ERG: variants seen among roughly 807,000 people sequenced by gnomAD.
The protein encoded by ERG is transcriptional regulator ERG.
In ERG, 9 loss-of-function variants were observed where a neutral mutation model predicts 55.3. The ratio of observed to expected loss-of-function variants is 0.16; its 90% CI spans 0.10 to 0.28. The LOEUF is 0.28. Ranked by LOEUF, ERG falls within the 10% of genes least tolerant of loss-of-function variation. The pLI, the probability that ERG is intolerant of heterozygous loss-of-function variation, is 1.00. For missense variants in ERG, 434 were observed against 631.6 expected (o/e 0.69, Z 3.35); for synonymous variants, 223 against 237.3 (o/e 0.94, Z 0.55).
chr21:38,660,325 C>A (rs1335444373), intron 1 of ERG, among the ~76,000 whole-genome samples: 1 of 152,232 alleles, frequency 6.6e-6, no homozygotes, highest in African/African-American at 2.4e-5. Flanking sequence ...CCATCCGCAC[C>A]CGACTGCACG....
chr21:38,443,688 C>T (rs1011675217), intron 2 of ERG, among the ~76,000 whole-genome samples: 7 of 151,886 alleles, frequency 4.6e-5, no homozygotes, highest in Non-Finnish European at 7.4e-5. Context: ...CATTAATTTC[C>T]CACAACTTTG....
chr21:38,494,734 A>G (rs1262736066), intron 1 of ERG, among the ~76,000 whole-genome samples: 1 of 152,240 alleles, frequency 6.6e-6, no homozygotes, highest in Non-Finnish European at 1.5e-5. Context: ...ACTGTATTTC[A>G]TGGGGGAAGA....
At chr21:38,575,722 T>C (rs1265442104) in exon 2 of ERG, 5 of 1,613,842 alleles carry the variant, frequency 3.1e-6, no homozygotes, top group East Asian at 4.5e-5. Flanking sequence ...AGCCAGCCCA[T>C]CTACCAGCTG....
chr21:38,608,128 T>A (rs2060206676), intron 1 of ERG, among the ~76,000 whole-genome samples: 1 of 152,224 alleles, frequency 6.6e-6, no homozygotes, highest in South Asian at 2.1e-4. Context: ...TTAATCTCAC[T>A]TGTCAAAACA....
chr21:38,605,844 T>C (rs914280316), intron 1 of ERG, among the ~76,000 whole-genome samples: 8 of 152,048 alleles, frequency 5.3e-5, no homozygotes, highest in South Asian at 2.1e-4. Context: ...AGATAGATGA[T>C]AGAAAGATAG....
intron 2 of ERG, among the ~76,000 whole-genome samples, chr21:38,571,519 TAAATAA>T (rs929063400): frequency 6.6e-6 from 1 of 150,884 alleles, no homozygotes; most frequent in Admixed American, 6.6e-5. Flanking sequence ...TTAAAAAAAA[TAAATAA>T]AAATAAATAA....
At chr21:38,390,382 G>A (rs891053384) in intron 9 of ERG, among the ~76,000 whole-genome samples, 1 of 152,170 alleles carries the variant, frequency 6.6e-6, no homozygotes, top group Non-Finnish European at 1.5e-5. Context: ...GTTGAATTGT[G>A]TTCCCTCAAT....
rs182295556 is a variant in ERG at position 38,570,920 on chromosome 21, A to G, written c.-41+4742T>C. On this transcript the variant is annotated intron_variant, in intron 2 of 8. Transcript: ENST00000398897. Reference sequence around the variant, plus strand: ...ATTATTCTATATGATTAGCTGGTGAACAACAAAGGCAATTAGTTAGTCCTC... The same window carrying G: ...ATTATTCTATATGATTAGCTGGTGAGCAACAAAGGCAATTAGTTAGTCCTC... Among the ~76,000 whole-genome samples, 164 of 152,356 alleles carry G rather than the reference A, an allele frequency of 1.1e-3. 1 individual carries two copies. Among genetic ancestry groups the G allele is most frequent in the African/African-American group, 3.8e-3 (158 of 41,588 alleles).
chr21:38,482,272 T>A (rs1273036852), intron 1 of ERG, among the ~76,000 whole-genome samples: 1 of 152,190 alleles, frequency 6.6e-6, no homozygotes, highest in Non-Finnish European at 1.5e-5. Flanking sequence ...AGGTGCCCAA[T>A]ATCACTAATC....
At chr21:38,424,969 C>T (rs765874066) in intron 2 of ERG, among the ~76,000 whole-genome samples, 19 of 152,144 alleles carry the variant, frequency 1.2e-4, no homozygotes, top group Non-Finnish European at 2.6e-4. Flanking sequence ...CAGTCACTGT[C>T]ATTTGGATAA....
At chr21:38,403,816 A>G (rs1988631802) in intron 3 of ERG, 107 bp from the exon 4 acceptor site, 1 of 1,073,230 alleles carries the variant, frequency 9.3e-7, no homozygotes, top group Non-Finnish European at 1.4e-6. Context: ...TTCCACAAGC[A>G]CAGCCTCCAG....
chr21:38,461,271 G>A lies in ERG; in HGVS notation c.19-15650C>T, dbSNP rs371993279. The stretch of plus-strand genomic sequence containing the variant: ...TCTCTTCATATCATCCTCCCTCTAT[G>A]CATGCCTGTTTCTGAGTCCAAATTA... On this transcript the variant is annotated intron_variant, in intron 1 of 9. Coordinates refer to ENST00000288319, the MANE Select transcript of ERG (RefSeq NM_182918.4). Among the ~76,000 whole-genome samples the A allele has an allele frequency of 2.1e-4, 32 of 152,210 alleles. 1 individual carries two copies. In the South Asian group the frequency reaches 6.6e-3, roughly 32 times the overall value.
rs143419168 is a variant in ERG at position 38,429,164 on chromosome 21, G to A, written c.237-5603C>T. On this transcript the variant is annotated intron_variant, in intron 2 of 9. Coordinates refer to ENST00000288319, the MANE Select transcript of ERG (RefSeq NM_182918.4). Reference sequence around the variant, plus strand: ...TGGTTTTCCATTCCTGAGTTACTTCGGTTAGAATAATGGTCTCCAACTCCA... The same window carrying A: ...TGGTTTTCCATTCCTGAGTTACTTCAGTTAGAATAATGGTCTCCAACTCCA... Among the ~76,000 whole-genome samples, 539 of 152,014 alleles carry A rather than the reference G, an allele frequency of 3.5e-3. 4 individuals carry two copies. The highest frequency in any genetic ancestry group is 0.013 in the African/African-American group (523 of 41,454).
intron 1 of ERG, among the ~76,000 whole-genome samples, chr21:38,490,206 T>C (rs2059323586): frequency 6.6e-6 from 1 of 151,960 alleles, no homozygotes; most frequent in Non-Finnish European, 1.5e-5. Flanking sequence ...ATGGACAAAT[T>C]GGCTAATTGA....
intron 1 of ERG, among the ~76,000 whole-genome samples, chr21:38,645,268 T>A (rs955447054): frequency 1.3e-5 from 2 of 152,222 alleles, no homozygotes; most frequent in African/African-American, 4.8e-5. Context: ...CAAAGGGAAT[T>A]ACCCAGAAAA....
upstream of ERG, among the ~76,000 whole-genome samples, chr21:38,503,410 AG>A (rs1304999538): frequency 2.6e-5 from 4 of 151,996 alleles, no homozygotes; most frequent in Non-Finnish European, 4.4e-5. Context: ...GAAACGCTCA[AG>A]AGTTTCGTGG....
chr21:38,633,588 T>C (rs183755168), intron 1 of ERG, among the ~76,000 whole-genome samples: 1 of 152,346 alleles, frequency 6.6e-6, no homozygotes, highest in Non-Finnish European at 1.5e-5. Context: ...TTTGGTTGGG[T>C]GCCTTTTTAT....
At chr21:38,497,309 T>G (rs2059387686) in intron 1 of ERG, among the ~76,000 whole-genome samples, 1 of 152,190 alleles carries the variant, frequency 6.6e-6, no homozygotes, top group Admixed American at 6.5e-5. Context: ...CTTATGCACT[T>G]TCCAACAAAC....
chr21:38,629,115 G>A (rs2060342212), intron 1 of ERG, among the ~76,000 whole-genome samples: 1 of 152,218 alleles, frequency 6.6e-6, no homozygotes, highest in Non-Finnish European at 1.5e-5. Flanking sequence ...AGGGAACACA[G>A]GCTCCCAGCT....
Sources: allele counts gnomAD v4.1 joint callset (sites outside exome capture counted in the v4.1 genomes callset), GRCh38; gene constraint gnomAD v4.1.1; transcripts MANE v1.5; gene names NCBI Gene and HGNC (gene_info 2026-07-23, HGNC 2026-07-21).